The following APP variants were observed in gnomAD, a reference collection of about 807,000 sequenced individuals.
APP encodes amyloid-beta precursor protein.
In APP, 31 loss-of-function variants were observed where a neutral mutation model predicts 101.4. The observed-to-expected ratio is 0.31, with a 90% CI of 0.23 to 0.41. APP has a LOEUF of 0.41. Ranked by LOEUF, APP falls within the 10% of genes least tolerant of loss-of-function variation. APP has a pLI of 1.00. For synonymous variants in APP, 366 were observed against 364.4 expected (o/e 1.00, Z -0.05); for missense variants, 839 against 1,003.7 (o/e 0.84, Z 2.22).
At chr21:25,952,743 A>AAAAC (rs35999452) in intron 13 of APP, among the ~76,000 whole-genome samples, 29,740 of 151,618 alleles carry the variant, frequency 0.2, 5,154 homozygotes, top group African/African-American at 0.45. Context: ...ATAGCTGTAA[A>AAAAC]AAACAAACAA....
intron 1 of APP, among the ~76,000 whole-genome samples, chr21:26,131,489 A>T (rs2062796043): frequency 6.6e-6 from 1 of 152,218 alleles, no homozygotes; most frequent in African/African-American, 2.4e-5. Flanking sequence ...AAGCCAAAAC[A>T]AAGATTATTA....
intron 1 of APP, among the ~76,000 whole-genome samples, chr21:26,119,760 G>GCTA (rs1186019962): frequency 2.0e-5 from 3 of 152,094 alleles, no homozygotes; most frequent in Non-Finnish European, 4.4e-5. Context: ...CTGGTACTTT[G>GCTA]CTAAGATCTC....
intron 16 of APP, among the ~76,000 whole-genome samples, chr21:25,893,597 C>A (rs926006471): frequency 5.9e-5 from 9 of 152,124 alleles, no homozygotes; most frequent in Non-Finnish European, 1.5e-5. Flanking sequence ...TAGGCCAAAG[C>A]CTAATCAAGA....
At chr21:26,085,402 G>A (rs1265387605) in intron 3 of APP, among the ~76,000 whole-genome samples, 1 of 152,078 alleles carries the variant, frequency 6.6e-6, no homozygotes, top group Non-Finnish European at 1.5e-5. Flanking sequence ...TCATCACAGT[G>A]CATGTATAGG....
chr21:26,085,824 A>G (rs2061691639), intron 3 of APP, among the ~76,000 whole-genome samples: 1 of 152,226 alleles, frequency 6.6e-6, no homozygotes, highest in Non-Finnish European at 1.5e-5. Flanking sequence ...ATAAAATTCA[A>G]AATTAATATG....
intron 15 of APP, among the ~76,000 whole-genome samples, chr21:25,901,003 AAG>A (rs1555891516): frequency 6.8e-6 from 1 of 146,094 alleles, no homozygotes; most frequent in African/African-American, 2.6e-5. Flanking sequence ...AAAAAAAAAA[AAG>A]AATGAGCTCT....
chr21:26,153,487 A>G, intron 1 of APP, among the ~76,000 whole-genome samples: 1 of 152,046 alleles, frequency 6.6e-6, no homozygotes, highest in East Asian at 1.9e-4. Context: ...ACTTTTTTAA[A>G]AAACATAGAG....
chr21:25,988,293 T>A (rs963523525), intron 8 of APP, among the ~76,000 whole-genome samples: 1 of 152,094 alleles, frequency 6.6e-6, no homozygotes, highest in Non-Finnish European at 1.5e-5. Flanking sequence ...AAAGCCACAG[T>A]AAGGATTCTG....
chr21:26,125,964 G>A lies in APP; in HGVS notation c.58-13818C>T, dbSNP rs796901308. On this transcript the variant is annotated intron_variant, in intron 1 of 17. Coordinates refer to ENST00000346798, the MANE Select transcript of APP (RefSeq NM_000484.4). ...TGCTAATGCATTCCTTACCCCCGACGGATGTCTTTTTGACATGTCTACAGA... is the reference window on the plus strand; with the variant it reads ...TGCTAATGCATTCCTTACCCCCGACAGATGTCTTTTTGACATGTCTACAGA... Among the ~76,000 whole-genome samples the A allele has an allele frequency of 7.2e-5, 11 of 152,272 alleles. 1 individual carries two copies. Among genetic ancestry groups the A allele is most frequent in the African/African-American group, 1.9e-4 (8 of 41,538 alleles).
intron 3 of APP, among the ~76,000 whole-genome samples, chr21:26,071,334 G>A (rs1041420): frequency 0.23 from 34,957 of 151,850 alleles, 4,086 homozygotes; most frequent in Admixed American, 0.28. Flanking sequence ...CCAAAGTCAC[G>A]TGAAAGCTCC....
rs573670690 is a variant in APP at position 25,925,174 on chromosome 21, C to T, written c.1688-13212G>A. Among the ~76,000 whole-genome samples, 39 of 115,624 alleles carry T rather than the reference C, an allele frequency of 3.4e-4. 1 individual carries two copies. The South Asian group carries it at 0.01, about 31-fold the overall frequency. The allele number at this position is 115,624 out of a possible 152,430, so 75.9% of individuals were successfully genotyped here. On this transcript the variant is annotated intron_variant, in intron 13 of 17. Coordinates refer to ENST00000346798, the MANE Select transcript of APP (RefSeq NM_000484.4). Reference sequence around the variant, plus strand: ...CCCAGGAGGCCCACTGTAAATCAAGCGGTCACCCACTTCCAGCTAGGCATT... The same window carrying T: ...CCCAGGAGGCCCACTGTAAATCAAGTGGTCACCCACTTCCAGCTAGGCATT...
intron 13 of APP, among the ~76,000 whole-genome samples, chr21:25,913,753 T>TGA (rs2039198967): frequency 6.6e-6 from 1 of 152,220 alleles, no homozygotes; most frequent in South Asian, 2.1e-4. Context: ...ACACAGTACT[T>TGA]ATCTTCTTCC....
intron 5 of APP, among the ~76,000 whole-genome samples, chr21:26,045,176 T>A (rs865884685): frequency 6.6e-6 from 1 of 152,218 alleles, no homozygotes; most frequent in Non-Finnish European, 1.5e-5. Context: ...AAACATTTTA[T>A]TCCTGAGGGA....
chr21:25,901,992 T>C (rs973890969), intron 15 of APP, among the ~76,000 whole-genome samples: 1 of 152,184 alleles, frequency 6.6e-6, no homozygotes, highest in Non-Finnish European at 1.5e-5. Context: ...GTCTATTTTT[T>C]CTTTGGAAGT....
chr21:25,900,758 T>C (rs1395568493), intron 15 of APP, among the ~76,000 whole-genome samples: 3 of 151,812 alleles, frequency 2.0e-5, no homozygotes, highest in Non-Finnish European at 2.9e-5. Flanking sequence ...TCCCAGCACT[T>C]TGGGAGGCCG....
chr21:25,904,924 T>G, intron 15 of APP, 100 bp downstream of exon 15: 1 of 1,027,928 alleles, frequency 9.7e-7, no homozygotes, highest in Admixed American at 2.0e-5. Context: ...TACTCTGCAG[T>G]AAGTACAATT....
At chr21:25,904,142 T>G (rs1429041923) in intron 15 of APP, among the ~76,000 whole-genome samples, 1 of 152,244 alleles carries the variant, frequency 6.6e-6, no homozygotes, top group Non-Finnish European at 1.5e-5. Context: ...TGGAAAAGTA[T>G]GTGTTATTTG....
At chr21:26,075,396 G>GC (rs1392190186) in intron 3 of APP, among the ~76,000 whole-genome samples, 1 of 152,086 alleles carries the variant, frequency 6.6e-6, no homozygotes, top group Non-Finnish European at 1.5e-5. Context: ...CTCTTATCAG[G>GC]CCCTCAAAGC....
chr21:25,988,822 T>C (rs2042745800), intron 8 of APP, among the ~76,000 whole-genome samples: 1 of 137,046 alleles, frequency 7.3e-6, no homozygotes, highest in Non-Finnish European at 1.5e-5. Context: ...TTCCCTTCTT[T>C]CTCTCACACC....
Sources: gnomAD v4.1 joint callset for allele counts (sites outside exome capture counted in the v4.1 genomes callset) on GRCh38, gnomAD v4.1.1 for gene constraint, MANE v1.5 for transcripts, NCBI Gene and HGNC (gene_info 2026-07-23, HGNC 2026-07-21) for gene names.